The following MAGI2 variants were observed in gnomAD, a reference collection of about 807,000 sequenced individuals.
MAGI2 encodes membrane associated guanylate kinase, WW and PDZ domain containing 2.
A neutral mutation model predicts 133.3 loss-of-function variants in MAGI2; 35 were observed. The observed-to-expected ratio is 0.26, with a 90% CI of 0.20 to 0.35. The LOEUF is 0.35. MAGI2 is among the 10% of genes least tolerant of loss of function. MAGI2 has a pLI of 1.00. For synonymous variants in MAGI2, 729 were observed against 710.6 expected (o/e 1.03, Z -0.41); for missense variants, 1,636 against 1,863.4 (o/e 0.88, Z 2.25).
At chr7:78,524,966 T>G (rs915821848) in intron 3 of MAGI2, among the ~76,000 whole-genome samples, 5 of 152,154 alleles carry the variant, frequency 3.3e-5, no homozygotes, top group Middle Eastern at 3.2e-3. Flanking sequence ...TTTCCCTATT[T>G]GTCTTGTCAA....
chr7:79,409,188 C>T (rs558303838), intron 1 of MAGI2, among the ~76,000 whole-genome samples: 2 of 152,238 alleles, frequency 1.3e-5, no homozygotes, highest in Admixed American at 6.5e-5. Flanking sequence ...CAAAGCAGCA[C>T]AACTAGGAAC....
At position 78,019,905 on chromosome 7, in the gene MAGI2, C is replaced by A. The variant is rs1294879610; in HGVS notation, c.3778G>T (p.Asp1260Tyr). 13 of 1,610,746 alleles carry A rather than the reference C, an allele frequency of 8.1e-6. No individual in the cohort carries two copies. The highest frequency in any genetic ancestry group is 6.6e-5 in the South Asian group (6 of 90,436). ...GATGGAGAGAATGGAGCGAGGCCGT[C>A]GTCCAGGGAGACGCCTACTTCCGGC... ...GLPEVGVSLD[D>Y]GLAPFSPSHP... The change falls in exon 22 of 22, where the codon GAC (aspartate) becomes TAC (tyrosine). Residue 1260 changes from aspartate to tyrosine, a missense_variant. Asp to Tyr is a radical substitution (Grantham distance 160). Transcript: ENST00000354212.
chr7:78,251,176 C>A (rs1255034825), intron 10 of MAGI2, among the ~76,000 whole-genome samples: 1 of 152,102 alleles, frequency 6.6e-6, no homozygotes, highest in East Asian at 1.9e-4. Context: ...TTGATAAAAA[C>A]CAAGACCTAT....
At chr7:78,634,910 AATTT>A (rs1177716049) in intron 2 of MAGI2, among the ~76,000 whole-genome samples, 1 of 152,090 alleles carries the variant, frequency 6.6e-6, no homozygotes, top group Non-Finnish European at 1.5e-5. Flanking sequence ...TCCAAATTAT[AATTT>A]ATATATTTTA....
intron 1 of MAGI2, among the ~76,000 whole-genome samples, chr7:79,322,825 G>A (rs935695364): frequency 6.6e-6 from 1 of 151,640 alleles, no homozygotes; most frequent in Admixed American, 6.6e-5. Flanking sequence ...GTCCTATGTG[G>A]ATGAAATGAC....
intron 1 of MAGI2, among the ~76,000 whole-genome samples, chr7:79,288,314 A>G (rs963447502): frequency 3.9e-5 from 6 of 152,176 alleles, no homozygotes; most frequent in Admixed American, 6.6e-5. Context: ...GATAGTCTCT[A>G]TAAAACATAA....
chr7:78,124,861 C>CTTTTTTTTTTTTTTTTT (rs10707820), intron 20 of MAGI2, among the ~76,000 whole-genome samples: 1 of 137,430 alleles, frequency 7.3e-6, no homozygotes, highest in Non-Finnish European at 1.6e-5. Flanking sequence ...TAGCTGCTGT[C>CTTTTTTTTTTTTTTTTT]TTTTTTTTTT....
At chr7:78,616,536 G>A (rs1807115795) in intron 3 of MAGI2, 1 of 152,042 alleles carries the variant, frequency 6.6e-6, no homozygotes, top group East Asian at 1.9e-4. Flanking sequence ...TTAGTGTAGG[G>A]AAAACCACAC....
At chr7:78,345,471 C>G (rs979700909) in intron 8 of MAGI2, 1 of 156,664 alleles carries the variant, frequency 6.4e-6, no homozygotes. Context: ...CCTGCTGGGT[C>G]GCGCTGATAG....
intron 6 of MAGI2, among the ~76,000 whole-genome samples, chr7:78,468,809 T>C (rs1382117455): frequency 6.6e-6 from 1 of 152,178 alleles, no homozygotes; most frequent in African/African-American, 2.4e-5. Context: ...TGCTTGCAGC[T>C]AATAAATCTG....
intron 1 of MAGI2, among the ~76,000 whole-genome samples, chr7:79,028,864 TTATAAATTACC>T (rs1810290029): frequency 6.6e-6 from 1 of 152,184 alleles, no homozygotes; most frequent in Non-Finnish European, 1.5e-5. Flanking sequence ...AGGGGTTTTT[TTATAAATTACC>T]TATTCATGCA....
intron 20 of MAGI2, among the ~76,000 whole-genome samples, chr7:78,111,055 G>GA (rs982389607): frequency 1.3e-5 from 2 of 152,194 alleles, no homozygotes; most frequent in African/African-American, 4.8e-5. Flanking sequence ...TCATCTGCCA[G>GA]AAGCTTTAGG....
intron 1 of MAGI2, among the ~76,000 whole-genome samples, chr7:79,059,567 T>G (rs1211817188): frequency 6.6e-6 from 1 of 152,050 alleles, no homozygotes; most frequent in Non-Finnish European, 1.5e-5. Context: ...TGAGTCAAAT[T>G]TAGTTATTTT....
At chr7:78,047,197 G>A (rs1034913153) in intron 21 of MAGI2, among the ~76,000 whole-genome samples, 2 of 152,174 alleles carry the variant, frequency 1.3e-5, no homozygotes, top group Non-Finnish European at 2.9e-5. Flanking sequence ...GGGGGAGGAT[G>A]ATTTAGATTA....
At position 79,007,199 on chromosome 7, in the gene MAGI2, A is replaced by T; in HGVS notation, c.309T>A (p.Ile103=). ...LRLKCVKQGG[I]VDKDLRHYLN... is the part of the protein sequence containing the mutation. ...GGTAGTGACGAAGGTCTTTATCAAC[A>T]ATTCCTCCTAAAAATAAAAAAAGTT... The change falls in exon 2 of 22, where the codon ATT becomes ATA. Residue 103 remains isoleucine, a synonymous_variant. Coordinates refer to ENST00000354212, the MANE Select transcript of MAGI2 (RefSeq NM_012301.4). The T allele has an allele frequency of 6.3e-7, 1 of 1,593,186 alleles. No individual in the cohort carries two copies. The highest frequency in any genetic ancestry group is 8.6e-7 in the Non-Finnish European group (1 of 1,168,794).
intron 3 of MAGI2, among the ~76,000 whole-genome samples, chr7:78,593,826 C>T (rs1804305078): frequency 6.6e-6 from 1 of 152,134 alleles, no homozygotes; most frequent in Non-Finnish European, 1.5e-5. Context: ...TTCCATTTGA[C>T]TAAAAATTGT....
chr7:78,238,455 A>G (rs1394730437), intron 10 of MAGI2, among the ~76,000 whole-genome samples: 7 of 152,040 alleles, frequency 4.6e-5, no homozygotes, highest in African/African-American at 1.2e-4. Flanking sequence ...AGTACCAGCT[A>G]CTGGGGAGAC....
chr7:78,327,540 G>T (rs1788709916), intron 9 of MAGI2, among the ~76,000 whole-genome samples: 1 of 152,146 alleles, frequency 6.6e-6, no homozygotes, highest in African/African-American at 2.4e-5. Context: ...CTACCCTGAA[G>T]ATTCTGTTTT....
At chr7:78,803,948 G>A (rs183990302) in intron 2 of MAGI2, among the ~76,000 whole-genome samples, 1 of 152,322 alleles carries the variant, frequency 6.6e-6, no homozygotes, top group East Asian at 1.9e-4. Context: ...CTTCAGTTAT[G>A]TCATGTCCTG....
Sources: gnomAD v4.1 joint callset for allele counts (sites outside exome capture counted in the v4.1 genomes callset) on GRCh38, gnomAD v4.1.1 for gene constraint, MANE v1.5 for transcripts, NCBI Gene and HGNC (gene_info 2026-07-23, HGNC 2026-07-21) for gene names.